The following PRKN variants were observed in gnomAD, a reference collection of about 807,000 sequenced individuals.
The protein encoded by PRKN is parkin RBR E3 ubiquitin protein ligase, also known as E3 ubiquitin-protein ligase parkin.
Under a neutral mutation model 59.5 loss-of-function variants are expected in PRKN, and 56 were observed. The ratio of observed to expected loss-of-function variants is 0.94; its 90% CI spans 0.76 to 1.18. The LOEUF (loss-of-function observed/expected upper bound fraction) is 1.18, where lower values mean the gene tolerates loss of function less well. PRKN is among the 50% of genes most tolerant of loss of function. The pLI, the probability that PRKN is intolerant of heterozygous loss-of-function variation, is 0.00. For missense variants in PRKN, 657 were observed against 596.4 expected, an observed-to-expected ratio of 1.10 and a Z score of -1.06; for synonymous variants, 250 against 222.1, an observed-to-expected ratio of 1.13 and a Z score of -1.12.
chr6:162,575,431 T>A (rs1780518315), intron 1 of PRKN, among the ~76,000 whole-genome samples: 5 of 152,178 alleles, frequency 3.3e-5, no homozygotes, highest in Admixed American at 3.3e-4. Context: ...CTGGCTGTCC[T>A]CCTCTCCCTC....
rs536778772 is a variant in PRKN, at chr6:161,806,002, A to C, written c.735-20094T>G. ...CATTAGGGTCGACGAGTTCTTCCCC[A>C]CAGAGCAGCCTACTCCCTGGCATAG... On this transcript the variant is annotated intron_variant, in intron 6 of 11. Coordinates refer to ENST00000366898, the MANE Select transcript of PRKN (RefSeq NM_004562.3). 1.0e-3 allele frequency among the ~76,000 whole-genome samples: 159 copies of C among 152,304 alleles called. 1 individual carries two copies. The highest frequency in any genetic ancestry group is 3.7e-3 in the South Asian group (18 of 4,830).
intron 1 of PRKN, among the ~76,000 whole-genome samples, chr6:162,475,154 A>T (rs1791941193): frequency 6.6e-6 from 1 of 152,194 alleles, no homozygotes; most frequent in African/African-American, 2.4e-5. Context: ...CCCTGAGAGC[A>T]GGCAAGAAAA....
At chr6:161,724,546 C>A (rs781480186) in intron 7 of PRKN, among the ~76,000 whole-genome samples, 19 of 152,166 alleles carry the variant, frequency 1.2e-4, no homozygotes, top group Non-Finnish European at 2.2e-4. Context: ...TTGATTTGTC[C>A]AAAGCCTGAT....
chr6:162,226,737 T>C (rs1388543266), intron 3 of PRKN, among the ~76,000 whole-genome samples: 1 of 152,178 alleles, frequency 6.6e-6, no homozygotes, highest in Non-Finnish European at 1.5e-5. Context: ...TTTCACCGTG[T>C]TGGTCAGGCT....
At chr6:161,965,514 T>A (rs879327543) in intron 6 of PRKN, among the ~76,000 whole-genome samples, 10 of 152,004 alleles carry the variant, frequency 6.6e-5, no homozygotes, top group Non-Finnish European at 1.2e-4. Flanking sequence ...CTTCTATCGA[T>A]GAAAAGAGTC....
intron 7 of PRKN, among the ~76,000 whole-genome samples, chr6:161,716,775 C>T (rs1465193690): frequency 1.3e-5 from 2 of 152,124 alleles, no homozygotes; most frequent in Admixed American, 6.5e-5. Context: ...GTGGGGGCAG[C>T]GTGGGAGGTG....
chr6:162,403,940 G>T (rs553185285), intron 2 of PRKN, among the ~76,000 whole-genome samples: 1 of 152,234 alleles, frequency 6.6e-6, no homozygotes, highest in East Asian at 1.9e-4. Flanking sequence ...GGTGGTGAAG[G>T]CTTACCTGTT....
At chr6:161,649,651 G>T (rs1299510403) in intron 7 of PRKN, among the ~76,000 whole-genome samples, 1 of 152,078 alleles carries the variant, frequency 6.6e-6, no homozygotes, top group African/African-American at 2.4e-5. Flanking sequence ...ATATTTCAAG[G>T]CTTTTAATCA....
intron 10 of PRKN, among the ~76,000 whole-genome samples, chr6:161,381,097 C>A (rs919015530): frequency 2.6e-5 from 4 of 152,194 alleles, no homozygotes; most frequent in Admixed American, 1.3e-4. Context: ...GCATCCTTAT[C>A]AAAATATTGA....
intron 5 of PRKN, among the ~76,000 whole-genome samples, chr6:162,022,660 G>C (rs1355963999): frequency 6.6e-6 from 1 of 152,126 alleles, no homozygotes; most frequent in East Asian, 1.9e-4. Context: ...TTGCTGTGCA[G>C]AAGCTCTTTA....
At chr6:162,062,888 C>T (rs1005262594) in intron 4 of PRKN, among the ~76,000 whole-genome samples, 1 of 152,100 alleles carries the variant, frequency 6.6e-6, no homozygotes, top group Admixed American at 6.6e-5. Flanking sequence ...AGTCTATTTA[C>T]ACAAATTATT....
chr6:162,011,029 AATTATAATATATATTTATAAT>A (rs1562457764), intron 5 of PRKN, among the ~76,000 whole-genome samples: 113 of 4,394 alleles, frequency 0.026, 23 homozygotes, highest in African/African-American at 0.23. Flanking sequence ...TATAATATAT[AATTATAATATATATTTATAAT>A]ATATATTATA....
At chr6:162,439,140 G>C (rs1469851427) in intron 2 of PRKN, among the ~76,000 whole-genome samples, 7 of 152,084 alleles carry the variant, frequency 4.6e-5, no homozygotes, top group African/African-American at 1.7e-4. Flanking sequence ...GCCTTTACTA[G>C]TGTTGGTGGG....
intron 1 of PRKN, among the ~76,000 whole-genome samples, chr6:162,723,476 G>T (rs1208073064): frequency 1.3e-5 from 2 of 152,136 alleles, no homozygotes; most frequent in East Asian, 3.9e-4. Context: ...AGAGAGAGGT[G>T]GGGGACCGGA....
Position 162,021,117 on chromosome 6 carries a change from A to AAC in PRKN, c.618+32972_618+32973dup, listed in dbSNP as rs1783135280. Among the ~76,000 whole-genome samples the AAC allele has an allele frequency of 7.9e-5, 2 of 25,350 alleles. 1 individual carries two copies. Among genetic ancestry groups the AAC allele is most frequent in the South Asian group, 4.2e-3 (2 of 472 alleles). The allele number at this position is 25,350 out of a possible 152,430, so 16.6% of individuals were successfully genotyped here. A position where few individuals can be genotyped will look rare whatever the true frequency, so the allele number is the denominator to read the frequency against. On this transcript the variant is annotated intron_variant, in intron 5 of 11. Coordinates refer to ENST00000366898, the MANE Select transcript of PRKN (RefSeq NM_004562.3). ...GACTCTGTCTCAAAAAAAAAACAAA[A>AAC]ACATATATATATATATATATATATA...
At chr6:162,380,015 A>C (rs2128140194) in intron 2 of PRKN, among the ~76,000 whole-genome samples, 1 of 152,252 alleles carries the variant, frequency 6.6e-6, no homozygotes, top group African/African-American at 2.4e-5. Flanking sequence ...AGCTGTCAAA[A>C]CAATTCAATA....
intron 1 of PRKN, among the ~76,000 whole-genome samples, chr6:162,575,156 G>A (rs551048866): frequency 2.0e-5 from 3 of 152,180 alleles, no homozygotes; most frequent in South Asian, 2.1e-4. Flanking sequence ...GAGGCTCGAC[G>A]TCCCTCAAAT....
intron 1 of PRKN, among the ~76,000 whole-genome samples, chr6:162,630,432 C>T (rs1238443041): frequency 1.3e-5 from 2 of 152,024 alleles, no homozygotes; most frequent in African/African-American, 2.4e-5. Context: ...GAGCATTCTG[C>T]CTGATTACAA....
chr6:161,859,965 G>A (rs564052039), intron 6 of PRKN, among the ~76,000 whole-genome samples: 1 of 152,294 alleles, frequency 6.6e-6, no homozygotes, highest in South Asian at 2.1e-4. Flanking sequence ...TCAGGACTTA[G>A]TATAATTGCC....
Sources: gnomAD v4.1 joint callset for allele counts (sites outside exome capture counted in the v4.1 genomes callset) on GRCh38, gnomAD v4.1.1 for gene constraint, MANE v1.5 for transcripts, NCBI Gene and HGNC (gene_info 2026-07-23, HGNC 2026-07-21) for gene names.